Variants in CFAP43 observed in about 807,000 individuals in gnomAD.
CFAP43 encodes the protein cilia- and flagella-associated protein 43.
Under a neutral mutation model 218.9 loss-of-function variants are expected in CFAP43, and 155 were observed. The observed-to-expected ratio is 0.71, with a 90% CI of 0.62 to 0.81. The LOEUF (loss-of-function observed/expected upper bound fraction) is 0.81, where lower values mean the gene tolerates loss of function less well. Ranked by LOEUF, CFAP43 falls within the 30% of genes least tolerant of loss-of-function variation. The pLI is 0.00. For synonymous variants in CFAP43, 645 were observed against 681.3 expected, an observed-to-expected ratio of 0.95 and a Z score of 0.83; for missense variants, 1,778 against 1,954.3, an observed-to-expected ratio of 0.91 and a Z score of 1.70.
Position 104,214,341 on chromosome 10 carries a change from G to T in CFAP43, c.502C>A (p.Arg168Ser), listed in dbSNP as rs758774398. 1.9e-6 allele frequency: 3 copies of T among 1,611,752 alleles called. No homozygotes were observed. The South Asian group carries it at 3.3e-5, about 18-fold the overall frequency. ...CTTGGACTTGATAAGCACAGCTGGCGCCAGTTCATGGGGTTAAAAGACATT... is the reference window on the plus strand; with the variant it reads ...CTTGGACTTGATAAGCACAGCTGGCTCCAGTTCATGGGGTTAAAAGACATT... ...NQMSFNPMNW[R>S]QLCLSSPSTV... The change falls in exon 4 of 38, where the codon CGC (arginine) becomes AGC (serine). Residue 168 changes from arginine (R) to serine (S), a missense_variant. Physicochemically the swap from Arg to Ser is moderately radical, Grantham distance 110. This residue lies in a region of CFAP43 where 1,553 missense variants were observed against 1,685.2 expected (regional missense o/e 0.92). Coordinates refer to ENST00000357060, the MANE Select transcript of CFAP43 (RefSeq NM_025145.7).
At chr10:104,183,390 T>G (rs2089918674) in intron 16 of CFAP43, among the ~76,000 whole-genome samples, 1 of 151,576 alleles carries the variant, frequency 6.6e-6, no homozygotes, top group Non-Finnish European at 1.5e-5. Context: ...ATCGTTTTTT[T>G]TTTTTTTTTT....
chr10:104,188,408 C>T lies in CFAP43; in HGVS notation c.1549G>A (p.Val517Met). ...GATATCTGTAAAATGTCTTTGGCCA[C>T]CTCTGAAAGCAAACAGAGATCAACA... ...SSFQIIGFTE[V>M]AKDILQISTV... The change falls in exon 13 of 38, where the codon GTG becomes ATG. Residue 517 changes from valine (V) to methionine (M), a missense_variant and splice_region_variant. Val to Met is a conservative substitution (Grantham distance 21). Around this residue, in one of 3 missense-constraint regions of CFAP43, gnomAD observed 1,553 missense variants for 1,685.2 expected, o/e 0.92. Coordinates refer to ENST00000357060, the MANE Select transcript of CFAP43 (RefSeq NM_025145.7). 1.0e-5 allele frequency: 16 copies of T among 1,604,112 alleles called. No individual in the cohort carries two copies. Among genetic ancestry groups the T allele is most frequent in the Non-Finnish European group, 1.4e-5 (16 of 1,175,482 alleles).
rs1414123111 is a variant in CFAP43 at position 104,177,169 on chromosome 10, G to A, written c.2460+1860C>T. On this transcript the variant is annotated intron_variant, in intron 19 of 37. Coordinates refer to ENST00000357060, the MANE Select transcript of CFAP43 (RefSeq NM_025145.7). ...CATCGAAGTCTAGCACATGGAAGAA[G>A]AAAACACCTAGGGTCCTGGTAGGAA... 3.9e-5 allele frequency among the ~76,000 whole-genome samples: 6 copies of A among 151,910 alleles called. No individual in the cohort carries two copies. In the East Asian group the frequency reaches 1.2e-3, roughly 29 times the overall value.
chr10:104,148,021 G>T, intron 28 of CFAP43, 23 bp from the exon 29 acceptor site: 5 of 1,498,670 alleles, frequency 3.3e-6, no homozygotes, highest in Non-Finnish European at 4.5e-6. Context: ...TTAAGAAAAA[G>T]GTTGGTGGAA....
chr10:104,142,210 G>T, intron 33 of CFAP43, 71 bp downstream of exon 33: 1 of 1,305,544 alleles, frequency 7.7e-7, no homozygotes, highest in Non-Finnish European at 1.1e-6. Flanking sequence ...ATTCTCCCCA[G>T]TGATAACACA....
chr10:104,165,779 G>T (rs903942641), intron 23 of CFAP43, among the ~76,000 whole-genome samples: 1 of 152,178 alleles, frequency 6.6e-6, no homozygotes, highest in Admixed American at 6.5e-5. Context: ...AGAGGAAATT[G>T]TCTTTCCCCA....
chr10:104,224,480 G>A (rs1086314), intron 3 of CFAP43, among the ~76,000 whole-genome samples: 13,113 of 151,618 alleles, frequency 0.086, 801 homozygotes, highest in African/African-American at 0.17. Flanking sequence ...AAAATTTTAG[G>A]GCGGTGGCTC....
At chr10:104,205,713 G>A (rs563670727) in intron 7 of CFAP43, among the ~76,000 whole-genome samples, 1 of 152,190 alleles carries the variant, frequency 6.6e-6, no homozygotes, top group African/African-American at 2.4e-5. Flanking sequence ...GAAGGGCAAT[G>A]GATTTTTAAA....
At chr10:104,203,483 T>C in intron 8 of CFAP43, 189 bp downstream of exon 8, 1 of 486,740 alleles carries the variant, frequency 2.1e-6, no homozygotes, top group Non-Finnish European at 3.4e-6. Flanking sequence ...TTCAGTTACA[T>C]GCACAAAAAT....
chr10:104,214,500 T>A lies in CFAP43; in HGVS notation c.417-74A>T, dbSNP rs1306693008. The A allele has an allele frequency of 6.4e-6, 8 of 1,259,810 alleles. No individual in the cohort carries two copies. In the South Asian group the frequency reaches 8.8e-5, roughly 14 times the overall value. 78.0% of individuals were successfully genotyped at this position (1,259,810 alleles called of 1,614,324 possible). ...GTATTTAGAACATTTATCTATTTTT[T>A]AATTTACATAAATTGGGATATAATT... On this transcript the variant is annotated intron_variant, in intron 3 of 37. Coordinates refer to ENST00000357060, the MANE Select transcript of CFAP43 (RefSeq NM_025145.7).
chr10:104,152,774 T>A, intron 27 of CFAP43, 48 bp from the exon 28 acceptor site: 1 of 1,568,204 alleles, frequency 6.4e-7, no homozygotes. Context: ...TATTAAAGGC[T>A]CCTAGGAAGT....
intron 6 of CFAP43, 69 bp from the exon 7 acceptor site, chr10:104,206,099 A>G (rs2090679341): frequency 8.0e-7 from 1 of 1,252,206 alleles, no homozygotes. Flanking sequence ...ATGAATAATA[A>G]AAGCTACTTT....
chr10:104,219,278 T>C (rs541296437), intron 3 of CFAP43, among the ~76,000 whole-genome samples: 1 of 152,144 alleles, frequency 6.6e-6, no homozygotes. Context: ...AGTCTCATGA[T>C]GCTACCTCCT....
intron 2 of CFAP43, among the ~76,000 whole-genome samples, chr10:104,229,928 T>C (rs2091406414): frequency 6.6e-6 from 1 of 152,096 alleles, no homozygotes; most frequent in Non-Finnish European, 1.5e-5. Context: ...AAAAAGGCAA[T>C]AGTCTTCTAG....
At chr10:104,206,491 T>C (rs1297210051) in intron 6 of CFAP43, among the ~76,000 whole-genome samples, 1 of 152,128 alleles carries the variant, frequency 6.6e-6, no homozygotes, top group Non-Finnish European at 1.5e-5. Flanking sequence ...ATAATATTAA[T>C]GGAGTAGGTA....
At chr10:104,198,671 G>A (rs1279472553) in intron 8 of CFAP43, among the ~76,000 whole-genome samples, 3 of 151,732 alleles carry the variant, frequency 2.0e-5, no homozygotes, top group Admixed American at 6.6e-5. Context: ...GTGTGTGTGT[G>A]ACTGAGTCTC....
chr10:104,171,408 C>T (rs1460679865), intron 20 of CFAP43, among the ~76,000 whole-genome samples: 1 of 152,128 alleles, frequency 6.6e-6, no homozygotes, highest in African/African-American at 2.4e-5. Context: ...TGACAAATCT[C>T]CTCATTTCTA....
chr10:104,225,589 T>C (rs562890695), intron 2 of CFAP43, 32 bp from the exon 3 acceptor site: 4 of 1,560,716 alleles, frequency 2.6e-6, no homozygotes, highest in Admixed American at 3.4e-5. Context: ...CAGGATTTGA[T>C]TATGTTAAGA....
Position 104,147,927 on chromosome 10 carries a change from G to T in CFAP43, c.3732C>A (p.Phe1244Leu). 6.2e-7 allele frequency: 1 copy of T among 1,600,924 alleles called. No individual in the cohort carries two copies. The highest frequency in any genetic ancestry group is 8.5e-7 in the Non-Finnish European group (1 of 1,173,756). The change falls in exon 29 of 38, where the codon TTC (phenylalanine) becomes TTA (leucine). Residue 1244 changes from phenylalanine (F) to leucine (L), a missense_variant. Phe to Leu is a conservative substitution (Grantham distance 22). Transcript: ENST00000357060. Reference protein sequence around the residue: ...LDEELSSREKFLNNYLTRKQH... With the variant: ...LDEELSSREKLLNNYLTRKQH... ...GTTTCCTTGTAAGGTAGTTGTTCAG[G>T]AATTTTTCTCTAGAGCTTAATTCTT...
Sources: gnomAD v4.1 joint callset for allele counts (sites outside exome capture counted in the v4.1 genomes callset) on GRCh38, gnomAD v4.1.1 for gene constraint, gnomAD v4.1.1 regional missense constraint, MANE v1.5 for transcripts, NCBI Gene and HGNC (gene_info 2026-07-23, HGNC 2026-07-21) for gene names.